Variants in HS3ST5 observed in about 807,000 individuals in gnomAD.
HS3ST5 encodes heparan sulfate glucosamine 3-O-sulfotransferase 5.
A neutral mutation model predicts 25.4 loss-of-function variants in HS3ST5; 10 were observed. That is an observed-to-expected ratio of 0.39 (90% CI 0.24 to 0.67). HS3ST5 has a LOEUF of 0.67. HS3ST5 is among the 30% of genes least tolerant of loss of function. The probability of loss-of-function intolerance (pLI) is 0.44; values close to 1 mark genes in which losing one functional copy is unlikely to be tolerated. For missense variants in HS3ST5, 324 were observed against 420.7 expected (o/e 0.77, Z 2.01); for synonymous variants, 170 against 162.4 (o/e 1.05, Z -0.36).
chr6:114,131,480 T>A (rs1452112163), intron 3 of HS3ST5, among the ~76,000 whole-genome samples: 2 of 152,148 alleles, frequency 1.3e-5, no homozygotes, highest in Non-Finnish European at 2.9e-5. Context: ...GAATATTAGA[T>A]CTTAAAAGAT....
At chr6:114,271,101 T>C (rs1019048038) in intron 1 of HS3ST5, among the ~76,000 whole-genome samples, 1 of 152,078 alleles carries the variant, frequency 6.6e-6, no homozygotes, top group Admixed American at 6.6e-5. Context: ...GTTGCTTGAG[T>C]ATTTCCATTA....
chr6:114,255,448 T>C (rs1381817394), intron 1 of HS3ST5, among the ~76,000 whole-genome samples: 2 of 152,130 alleles, frequency 1.3e-5, no homozygotes, highest in Non-Finnish European at 2.9e-5. Context: ...GGATCTACCA[T>C]GCTGGGGTCT....
intron 3 of HS3ST5, among the ~76,000 whole-genome samples, chr6:114,097,033 A>G (rs1775466293): frequency 6.6e-6 from 1 of 152,112 alleles, no homozygotes; most frequent in African/African-American, 2.4e-5. Flanking sequence ...TTGGTGTAAT[A>G]AAAAGGGGAA....
chr6:114,223,188 T>G (rs1355716084), intron 2 of HS3ST5, among the ~76,000 whole-genome samples: 1 of 151,728 alleles, frequency 6.6e-6, no homozygotes, highest in East Asian at 1.9e-4. Flanking sequence ...TGCCAACATA[T>G]ATGACATTTC....
chr6:114,224,118 T>C (rs1782169562), intron 2 of HS3ST5, among the ~76,000 whole-genome samples: 1 of 151,662 alleles, frequency 6.6e-6, no homozygotes, highest in African/African-American at 2.4e-5. Flanking sequence ...ATTCCTAATT[T>C]CTTTAGATAG....
chr6:114,182,076 A>T (rs1779999237), intron 2 of HS3ST5, among the ~76,000 whole-genome samples: 1 of 152,206 alleles, frequency 6.6e-6, no homozygotes, highest in African/African-American at 2.4e-5. Context: ...GCCACTATTT[A>T]AAACAGATTG....
At chr6:114,137,694 AT>A (rs1777697405) in intron 3 of HS3ST5, among the ~76,000 whole-genome samples, 1 of 152,144 alleles carries the variant, frequency 6.6e-6, no homozygotes, top group Non-Finnish European at 1.5e-5. Flanking sequence ...CAAGGCAGGG[AT>A]TCATGGCAAG....
chr6:114,101,471 G>C (rs1379706661), intron 3 of HS3ST5, among the ~76,000 whole-genome samples: 1 of 152,156 alleles, frequency 6.6e-6, no homozygotes, highest in African/African-American at 2.4e-5. Flanking sequence ...ATTGAGGACA[G>C]AGTGCCCCTT....
At chr6:114,293,460 A>G (rs1774672670) in intron 1 of HS3ST5, among the ~76,000 whole-genome samples, 1 of 152,162 alleles carries the variant, frequency 6.6e-6, no homozygotes, top group Non-Finnish European at 1.5e-5. Flanking sequence ...AATTATTAAT[A>G]TTTGTTTCAG....
chr6:114,224,163 T>G (rs1452074291), intron 2 of HS3ST5, among the ~76,000 whole-genome samples: 1 of 151,692 alleles, frequency 6.6e-6, no homozygotes, highest in Non-Finnish European at 1.5e-5. Flanking sequence ...ATCCTTTCAT[T>G]TTCAAAGTTT....
intron 2 of HS3ST5, among the ~76,000 whole-genome samples, chr6:114,210,929 C>A (rs1383362130): frequency 6.6e-6 from 1 of 152,190 alleles, no homozygotes; most frequent in East Asian, 1.9e-4. Flanking sequence ...CTATATCTTA[C>A]CTCCTCCAGG....
intron 1 of HS3ST5, chr6:114,251,501 T>C (rs989588069): frequency 2.0e-5 from 3 of 152,208 alleles, no homozygotes; most frequent in Admixed American, 6.5e-5. Context: ...TTACATTCCC[T>C]TTCCCCCTTC....
At chr6:114,064,714 C>A (rs1212854190) in intron 3 of HS3ST5, among the ~76,000 whole-genome samples, 1 of 152,130 alleles carries the variant, frequency 6.6e-6, no homozygotes, top group Non-Finnish European at 1.5e-5. Flanking sequence ...AGGCATTAAG[C>A]CTACATACAG....
At chr6:114,222,300 A>C (rs557949232) in intron 2 of HS3ST5, among the ~76,000 whole-genome samples, 29 of 151,900 alleles carry the variant, frequency 1.9e-4, no homozygotes, top group Non-Finnish European at 3.5e-4. Flanking sequence ...CCATGCCTCA[A>C]CAAGGCCATG....
chr6:114,120,904 A>G (rs1399352950), intron 3 of HS3ST5, among the ~76,000 whole-genome samples: 1 of 152,190 alleles, frequency 6.6e-6, no homozygotes, highest in Non-Finnish European at 1.5e-5. Flanking sequence ...TTCTTTTTTC[A>G]GAAGTCCCAG....
intron 2 of HS3ST5, among the ~76,000 whole-genome samples, chr6:114,182,653 GT>G (rs1780028207): frequency 6.6e-6 from 1 of 152,074 alleles, no homozygotes; most frequent in Non-Finnish European, 1.5e-5. Context: ...GACAGTAAAG[GT>G]TATCCCAGGT....
chr6:114,091,535 T>A (rs1212339397), intron 3 of HS3ST5, among the ~76,000 whole-genome samples: 1 of 150,796 alleles, frequency 6.6e-6, no homozygotes, highest in Non-Finnish European at 1.5e-5. Flanking sequence ...ATACAGAAAA[T>A]TAGCTGGGCA....
At chr6:114,179,766 G>A (rs1779880123) in intron 2 of HS3ST5, among the ~76,000 whole-genome samples, 1 of 151,554 alleles carries the variant, frequency 6.6e-6, no homozygotes, top group Non-Finnish European at 1.5e-5. Flanking sequence ...ACCATCTGCA[G>A]GCTGAGAAGC....
chr6:114,334,959 C>G (rs774795780), intron 1 of HS3ST5, among the ~76,000 whole-genome samples: 2 of 152,068 alleles, frequency 1.3e-5, no homozygotes, highest in Non-Finnish European at 2.9e-5. Flanking sequence ...GAAATTGAGC[C>G]TTATTGAAAT....
Sources: gnomAD v4.1 joint callset for allele counts (sites outside exome capture counted in the v4.1 genomes callset) on GRCh38, gnomAD v4.1.1 for gene constraint, MANE v1.5 for transcripts, NCBI Gene and HGNC (gene_info 2026-07-23, HGNC 2026-07-21) for gene names.